SHC4: variants seen among roughly 807,000 people sequenced by gnomAD.
SHC4 encodes the protein SHC-transforming protein 4.
A neutral mutation model predicts 69.4 loss-of-function variants in SHC4; 41 were observed. That is an observed-to-expected ratio of 0.59 (90% CI 0.46 to 0.77). The LOEUF (loss-of-function observed/expected upper bound fraction) is 0.77, where lower values mean the gene tolerates loss of function less well. SHC4 is among the 30% of genes least tolerant of loss of function. The probability of loss-of-function intolerance (pLI) is 0.00; values close to 1 mark genes in which losing one functional copy is unlikely to be tolerated. For synonymous variants in SHC4, 318 were observed against 299.3 expected (o/e 1.06, Z -0.64); for missense variants, 777 against 783.8 (o/e 0.99, Z 0.10).
In SHC4 at chr15:48,825,524, C is replaced by T. The variant is rs1567045953; in HGVS notation, c.*447G>A. 6.8e-6 allele frequency: 1 copy of T among 147,032 alleles called. No individual in the cohort carries two copies. Among genetic ancestry groups the T allele is most frequent in the Non-Finnish European group, 1.5e-5 (1 of 66,442 alleles). The allele number at this position is 147,032 out of a possible 1,614,324, so 9.1% of individuals were successfully genotyped here. On this transcript the variant is annotated 3_prime_UTR_variant, in exon 12 of 12. Transcript: ENST00000332408. Reference sequence around the variant, plus strand: ...TGCTTATTTTTTGTAGCAAGAAAAGCTTTTTTTTTTGGCAAATGGTTCTAT... The same window carrying T: ...TGCTTATTTTTTGTAGCAAGAAAAGTTTTTTTTTTTGGCAAATGGTTCTAT...
chr15:48,942,530 G>A (rs1296571673), intron 1 of SHC4, among the ~76,000 whole-genome samples: 1 of 151,858 alleles, frequency 6.6e-6, no homozygotes, highest in East Asian at 1.9e-4. Flanking sequence ...AAAGGGCACA[G>A]GGAGATCTCT....
chr15:48,836,404 A>C (rs1475222955), intron 10 of SHC4, among the ~76,000 whole-genome samples: 1 of 152,190 alleles, frequency 6.6e-6, no homozygotes, highest in African/African-American at 2.4e-5. Flanking sequence ...TAGCAAGGCT[A>C]ATCTTACTTG....
intron 2 of SHC4, among the ~76,000 whole-genome samples, chr15:48,894,811 G>C (rs910075960): frequency 6.6e-6 from 1 of 151,874 alleles, no homozygotes; most frequent in Non-Finnish European, 1.5e-5. Flanking sequence ...GTAGAGATGG[G>C]GGTCTCACTC....
chr15:48,826,228 T>C (rs561783335), intron 11 of SHC4, 102 bp from the exon 12 acceptor site: 87 of 1,105,194 alleles, frequency 7.9e-5, no homozygotes, highest in Admixed American at 1.7e-4. Flanking sequence ...CTAAAGTAGA[T>C]ACTTTGCTGA....
intron 11 of SHC4, among the ~76,000 whole-genome samples, chr15:48,834,533 T>C (rs1006268063): frequency 5.9e-5 from 9 of 152,186 alleles, no homozygotes; most frequent in African/African-American, 1.9e-4. Context: ...ATTTAATTCA[T>C]TGAATTGAAT....
intron 10 of SHC4, among the ~76,000 whole-genome samples, chr15:48,839,097 C>G (rs1340299466): frequency 6.6e-6 from 1 of 151,788 alleles, no homozygotes; most frequent in Non-Finnish European, 1.5e-5. Flanking sequence ...AATTAATAAA[C>G]CTAAAAGAGG....
intron 1 of SHC4, among the ~76,000 whole-genome samples, chr15:48,939,056 C>T (rs531494560): frequency 1.3e-5 from 2 of 152,338 alleles, no homozygotes; most frequent in Admixed American, 1.3e-4. Context: ...GTGCTAAGCA[C>T]AGTGACTGGC....
At chr15:48,930,528 T>A (rs974942294) in intron 1 of SHC4, among the ~76,000 whole-genome samples, 1 of 152,192 alleles carries the variant, frequency 6.6e-6, no homozygotes, top group Non-Finnish European at 1.5e-5. Flanking sequence ...TCCCAGCTAC[T>A]TGGGAGGCTG....
chr15:48,895,843 G>A (rs1900211964), intron 2 of SHC4, among the ~76,000 whole-genome samples: 1 of 152,206 alleles, frequency 6.6e-6, no homozygotes. Flanking sequence ...ACCACTTAGG[G>A]AGGCCGAGGC....
intron 2 of SHC4, among the ~76,000 whole-genome samples, chr15:48,900,945 T>C (rs1266896123): frequency 6.6e-6 from 1 of 152,242 alleles, no homozygotes; most frequent in Non-Finnish European, 1.5e-5. Flanking sequence ...GGAAATATTT[T>C]AGCCTTTGCA....
At chr15:48,917,243 T>TTGTGTGTG (rs3985853) in intron 2 of SHC4, among the ~76,000 whole-genome samples, 8 of 137,202 alleles carry the variant, frequency 5.8e-5, no homozygotes, top group South Asian at 5.3e-4. Flanking sequence ...ACCTGATTTC[T>TTGTGTGTG]TGTGTGTGTG....
chr15:48,941,990 A>G (rs1328385420), intron 1 of SHC4, among the ~76,000 whole-genome samples: 2 of 152,156 alleles, frequency 1.3e-5, no homozygotes, highest in Non-Finnish European at 2.9e-5. Flanking sequence ...AAATGAGAAC[A>G]TGCAGTATTT....
At chr15:48,930,560 C>T (rs901455824) in intron 1 of SHC4, among the ~76,000 whole-genome samples, 6 of 152,228 alleles carry the variant, frequency 3.9e-5, no homozygotes, top group African/African-American at 1.4e-4. Context: ...TCACTTGAGC[C>T]CAGGAGTTTA....
intron 1 of SHC4, chr15:48,947,089 T>C (rs911015715): frequency 1.3e-5 from 2 of 152,226 alleles, no homozygotes; most frequent in African/African-American, 4.8e-5. Flanking sequence ...TATTTCAAAC[T>C]GTCAGTATTT....
intron 8 of SHC4, among the ~76,000 whole-genome samples, chr15:48,855,164 A>G (rs1899286972): frequency 6.6e-6 from 1 of 152,090 alleles, no homozygotes; most frequent in Admixed American, 6.6e-5. Context: ...AAACCTACAC[A>G]TGTACCCCTT....
intron 1 of SHC4, among the ~76,000 whole-genome samples, chr15:48,961,464 C>A (rs747016212): frequency 6.6e-6 from 1 of 152,158 alleles, no homozygotes; most frequent in Non-Finnish European, 1.5e-5. Flanking sequence ...TAAGGCCCAG[C>A]CTGTGTGATG....
chr15:48,958,510 G>A (rs536207622), intron 1 of SHC4, among the ~76,000 whole-genome samples: 143 of 152,318 alleles, frequency 9.4e-4, no homozygotes, highest in Admixed American at 2.7e-3. Context: ...GCCAAAGCTC[G>A]TCAAGGTTGG....
chr15:48,871,445 C>T (rs1899675978), intron 5 of SHC4, among the ~76,000 whole-genome samples: 1 of 152,202 alleles, frequency 6.6e-6, no homozygotes, highest in South Asian at 2.1e-4. Context: ...AGCTTCAAAG[C>T]CCCTCTCCTT....
chr15:48,908,939 T>G (rs915754360), intron 2 of SHC4, among the ~76,000 whole-genome samples: 1 of 152,254 alleles, frequency 6.6e-6, no homozygotes, highest in Admixed American at 6.5e-5. Flanking sequence ...CACACTGTTT[T>G]GGTGACTATG....
Sources: allele counts gnomAD v4.1 joint callset (sites outside exome capture counted in the v4.1 genomes callset), GRCh38; gene constraint gnomAD v4.1.1; transcripts MANE v1.5; gene names NCBI Gene and HGNC (gene_info 2026-07-23, HGNC 2026-07-21).